ZFPM2: variants seen among roughly 807,000 people sequenced by gnomAD.
ZFPM2 encodes the protein zinc finger protein, FOG family member 2, also known as zinc finger protein ZFPM2.
Under a neutral mutation model 98.6 loss-of-function variants are expected in ZFPM2, and 20 were observed. The ratio of observed to expected loss-of-function variants is 0.20; its 90% CI spans 0.14 to 0.29. The LOEUF (loss-of-function observed/expected upper bound fraction) is 0.29. Ranked by LOEUF, ZFPM2 falls within the 10% of genes least tolerant of loss-of-function variation. The pLI is 1.00. For synonymous variants in ZFPM2, 518 were observed against 502.7 expected (o/e 1.03, Z -0.41); for missense variants, 1,310 against 1,388.6 (o/e 0.94, Z 0.90).
At chr8:105,325,864 T>A (rs1812104478) in intron 1 of ZFPM2, among the ~76,000 whole-genome samples, 1 of 151,872 alleles carries the variant, frequency 6.6e-6, no homozygotes, top group Admixed American at 6.6e-5. Context: ...ACAAATACTT[T>A]TAAAATGAAT....
intron 4 of ZFPM2, among the ~76,000 whole-genome samples, chr8:105,604,275 C>A (rs544201028): frequency 6.6e-6 from 1 of 152,054 alleles, no homozygotes; most frequent in Non-Finnish European, 1.5e-5. Flanking sequence ...CAATGAATTT[C>A]GCTTTCAAAA....
At chr8:105,442,306 T>G (rs1812270158) in intron 2 of ZFPM2, among the ~76,000 whole-genome samples, 1 of 152,136 alleles carries the variant, frequency 6.6e-6, no homozygotes, top group South Asian at 2.1e-4. Flanking sequence ...ATCGCGCCAC[T>G]GCACTCCAGC....
intron 5 of ZFPM2, among the ~76,000 whole-genome samples, chr8:105,654,809 T>C (rs1405040895): frequency 6.6e-6 from 1 of 152,178 alleles, no homozygotes; most frequent in Admixed American, 6.5e-5. Flanking sequence ...CATTCATCTA[T>C]ATTTATGACA....
intron 5 of ZFPM2, among the ~76,000 whole-genome samples, chr8:105,682,645 A>C (rs1373714239): frequency 6.6e-6 from 1 of 152,114 alleles, no homozygotes; most frequent in Admixed American, 6.6e-5. Context: ...TAAGTTAGAA[A>C]ATTACTACAA....
At chr8:105,501,506 T>C (rs1813595545) in intron 3 of ZFPM2, among the ~76,000 whole-genome samples, 2 of 150,816 alleles carry the variant, frequency 1.3e-5, no homozygotes. Context: ...TCTTTTTTTT[T>C]TTTCTTTTCT....
chr8:105,355,139 T>C (rs1156557549), intron 1 of ZFPM2, among the ~76,000 whole-genome samples: 6 of 152,220 alleles, frequency 3.9e-5, no homozygotes, highest in African/African-American at 1.4e-4. Flanking sequence ...TGTAAAATCA[T>C]TTAAAAATTC....
chr8:105,676,520 T>C (rs1466301326), intron 5 of ZFPM2, among the ~76,000 whole-genome samples: 6 of 152,130 alleles, frequency 3.9e-5, no homozygotes, highest in Non-Finnish European at 8.8e-5. Context: ...TATATAGTAT[T>C]TGACTGTTTC....
intron 1 of ZFPM2, among the ~76,000 whole-genome samples, chr8:105,353,736 C>A (rs929578321): frequency 2.6e-5 from 4 of 152,142 alleles, no homozygotes; most frequent in South Asian, 2.1e-4. Context: ...TATCCATCTT[C>A]ATATTAACGT....
intron 2 of ZFPM2, among the ~76,000 whole-genome samples, chr8:105,431,740 TC>T (rs1812023979): frequency 6.6e-6 from 1 of 151,790 alleles, no homozygotes; most frequent in African/African-American, 2.4e-5. Flanking sequence ...TAGGGAGACC[TC>T]ATCTCTATAA....
intron 4 of ZFPM2, among the ~76,000 whole-genome samples, chr8:105,607,717 T>G (rs1458121899): frequency 1.3e-5 from 2 of 152,124 alleles, no homozygotes; most frequent in African/African-American, 4.8e-5. Context: ...CCAGCCTCCA[T>G]GTTCACTCTC....
intron 1 of ZFPM2, among the ~76,000 whole-genome samples, chr8:105,395,992 G>A (rs1157084934): frequency 1.3e-5 from 2 of 152,172 alleles, no homozygotes; most frequent in Non-Finnish European, 2.9e-5. Context: ...TTTGAGCTCC[G>A]TACCTTCAAG....
chr8:105,579,088 T>G (rs2130737360), intron 4 of ZFPM2, among the ~76,000 whole-genome samples: 1 of 152,280 alleles, frequency 6.6e-6, no homozygotes, highest in Non-Finnish European at 1.5e-5. Flanking sequence ...ATTGTTTCTT[T>G]AATGACAATG....
At chr8:105,665,210 A>G (rs1284643080) in intron 5 of ZFPM2, among the ~76,000 whole-genome samples, 1 of 152,124 alleles carries the variant, frequency 6.6e-6, no homozygotes, top group Non-Finnish European at 1.5e-5. Flanking sequence ...TTCCCCCAAG[A>G]AAGGCATTAA....
chr8:105,430,381 T>G (rs1378628980), intron 2 of ZFPM2, among the ~76,000 whole-genome samples: 1 of 152,222 alleles, frequency 6.6e-6, no homozygotes, highest in Admixed American at 6.5e-5. Flanking sequence ...TTCAACTTCC[T>G]AATTTGTTGG....
chr8:105,477,871 ACT>A (rs751310010), intron 3 of ZFPM2, among the ~76,000 whole-genome samples: 36 of 152,306 alleles, frequency 2.4e-4, no homozygotes, highest in Admixed American at 1.6e-3. Flanking sequence ...TCTCTAACTT[ACT>A]TTAAAGTCTT....
At chr8:105,324,984 G>T (rs1812089051) in intron 1 of ZFPM2, among the ~76,000 whole-genome samples, 1 of 151,906 alleles carries the variant, frequency 6.6e-6, no homozygotes, top group East Asian at 1.9e-4. Context: ...AGTATGAGTG[G>T]ATATGTTAAC....
chr8:105,687,148 A>C (rs1810757625), intron 5 of ZFPM2, among the ~76,000 whole-genome samples: 1 of 152,150 alleles, frequency 6.6e-6, no homozygotes, highest in South Asian at 2.1e-4. Context: ...ATGACTGTGG[A>C]AGCCACATAT....
chr8:105,319,085 C>A, intron 1 of ZFPM2, 104 bp downstream of exon 1: 1 of 1,317,014 alleles, frequency 7.6e-7, no homozygotes, highest in Non-Finnish European at 1.0e-6. Context: ...GGGAGATCCG[C>A]TCCCGGTCCC....
intron 4 of ZFPM2, among the ~76,000 whole-genome samples, chr8:105,568,684 T>G (rs573306750): frequency 1.2e-3 from 182 of 152,274 alleles, no homozygotes; most frequent in African/African-American, 4.2e-3. Flanking sequence ...TGTCATCTTT[T>G]TATTTACTCA....
Sources: gnomAD v4.1 joint callset for allele counts (sites outside exome capture counted in the v4.1 genomes callset) on GRCh38, gnomAD v4.1.1 for gene constraint, MANE v1.5 for transcripts, NCBI Gene and HGNC (gene_info 2026-07-23, HGNC 2026-07-21) for gene names.